EDNRB: variants seen among roughly 807,000 people sequenced by gnomAD.
EDNRB encodes the protein Hirschsprung disease 2.
EDNRB carries 18 observed loss-of-function variants against 46.4 expected under a neutral mutation model. The observed-to-expected ratio is 0.39, with a 90% confidence interval of 0.27 to 0.57. The LOEUF is 0.57. Among genes scored for constraint, EDNRB ranks in the 20% least tolerant of loss-of-function variants. The pLI, the probability that EDNRB is intolerant of heterozygous loss-of-function variation, is 0.61. For missense variants in EDNRB, 434 were observed against 537.5 expected, an observed-to-expected ratio of 0.81 and a Z score of 1.90; for synonymous variants, 213 against 204.9, an observed-to-expected ratio of 1.04 and a Z score of -0.34.
intron 1 of EDNRB, chr13:77,947,678 A>G (rs1424119073): frequency 2.0e-5 from 3 of 152,136 alleles, no homozygotes; most frequent in Non-Finnish European, 2.9e-5. Context: ...CGATGACCAT[A>G]GTATGTTACA....
At chr13:77,920,359 A>G (rs769893933), upstream of EDNRB, among the ~76,000 whole-genome samples, 10 of 152,242 alleles carry the variant, frequency 6.6e-5, no homozygotes, top group Non-Finnish European at 1.3e-4. Flanking sequence ...ATTGTATAAA[A>G]GAGGTCAGGA....
chr13:77,897,457 G>A lies in EDNRB; in HGVS notation c.*743C>T. The stretch of plus-strand genomic sequence containing the variant: ...TTGATCTTAACTGAATGTAAAGGAT[G>A]TAATAATTTTCTTTTTAAAAGTATT... On this transcript the variant is annotated 3_prime_UTR_variant, in exon 7 of 7. Coordinates refer to ENST00000646607, the MANE Select transcript of EDNRB (RefSeq NM_001122659.3). The A allele has an allele frequency of 1.0e-6, 1 of 983,966 alleles. No homozygotes were observed. Among genetic ancestry groups the A allele is most frequent in the Non-Finnish European group, 1.2e-6 (1 of 828,708 alleles). 61.0% of individuals were successfully genotyped at this position (983,966 alleles called of 1,614,324 possible).
At chr13:77,936,757 C>A (rs1880577960) in intron 1 of EDNRB, among the ~76,000 whole-genome samples, 1 of 152,188 alleles carries the variant, frequency 6.6e-6, no homozygotes, top group Non-Finnish European at 1.5e-5. Context: ...TTCCTTGGCC[C>A]AGTGGCCAGA....
Position 77,918,142 on chromosome 13 carries a change from A to G in EDNRB, c.432T>C (p.Ala144=). Residue 144 remains alanine (A), a synonymous_variant, in exon 1 of 7, where the codon GCT becomes GCC. Coordinates refer to ENST00000646607, the MANE Select transcript of EDNRB (RefSeq NM_001122659.3). The surrounding 1 kb of genome is among the most constrained non-coding windows in gnomAD (Gnocchi z 4.5). ...TGACGATGTGCAGCAGGTCTCCCAG[A>G]GCCAAGCTGGCGATCAAGATATTGG... is the stretch of plus-strand genomic sequence containing the variant. ...NGPNILIASL[A]LGDLLHIVID... The G allele has an allele frequency of 6.2e-7, 1 of 1,614,178 alleles. No homozygotes were observed.
intron 1 of EDNRB, among the ~76,000 whole-genome samples, chr13:77,953,778 A>G (rs1566335140): frequency 6.6e-6 from 1 of 152,206 alleles, no homozygotes; most frequent in Non-Finnish European, 1.5e-5. Flanking sequence ...CCCAGGGACC[A>G]TATAATGAAT....
chr13:77,926,669 C>T (rs539837007), intron 1 of EDNRB, among the ~76,000 whole-genome samples: 3 of 152,212 alleles, frequency 2.0e-5, no homozygotes, highest in Non-Finnish European at 4.4e-5. Context: ...GCCCTCTAAA[C>T]TCTTCCACCT....
At chr13:77,899,288 G>C (rs1311759810) in intron 6 of EDNRB, among the ~76,000 whole-genome samples, 1 of 151,924 alleles carries the variant, frequency 6.6e-6, no homozygotes, top group Non-Finnish European at 1.5e-5. Context: ...TTTCATGTTA[G>C]ATTGTTGAAG....
chr13:77,899,773 C>G, intron 6 of EDNRB, 86 bp downstream of exon 6: 1 of 979,474 alleles, frequency 1.0e-6, no homozygotes, highest in South Asian at 1.4e-5. Context: ...TTTACTAAAT[C>G]TGTCTGGATA....
chr13:77,949,536 C>T (rs1005370225), intron 1 of EDNRB, among the ~76,000 whole-genome samples: 3 of 152,180 alleles, frequency 2.0e-5, no homozygotes, highest in African/African-American at 7.2e-5. Context: ...ACTTTTACCC[C>T]AGTAAATCTC....
chr13:77,911,290 T>G (rs1034936593), intron 1 of EDNRB, among the ~76,000 whole-genome samples: 1 of 151,984 alleles, frequency 6.6e-6, no homozygotes, highest in Non-Finnish European at 1.5e-5. Flanking sequence ...TCAACAAACC[T>G]TATTAAGTAA....
At chr13:77,969,080 TGA>T (rs1238042612) in intron 1 of EDNRB, among the ~76,000 whole-genome samples, 3 of 152,208 alleles carry the variant, frequency 2.0e-5, no homozygotes, top group African/African-American at 7.2e-5. Flanking sequence ...TAAAAAGCAC[TGA>T]GTTTCGTTTA....
chr13:77,900,697 T>G (rs1566304751), intron 4 of EDNRB, 43 bp from the exon 5 acceptor site: 1 of 1,611,120 alleles, frequency 6.2e-7, no homozygotes, highest in Non-Finnish European at 8.5e-7. Context: ...ATGGCTCATT[T>G]TACTCATAGC....
At chr13:77,960,232 T>G (rs1465694718) in intron 1 of EDNRB, among the ~76,000 whole-genome samples, 1 of 152,052 alleles carries the variant, frequency 6.6e-6, no homozygotes, top group Non-Finnish European at 1.5e-5. Context: ...AGACACATAA[T>G]TATCAGATTC....
chr13:77,910,689 G>A (rs186363906), intron 1 of EDNRB, among the ~76,000 whole-genome samples: 23 of 152,066 alleles, frequency 1.5e-4, no homozygotes, highest in African/African-American at 5.1e-4. Context: ...CAGAAATAAT[G>A]TTAGCTTATC....
chr13:77,943,609 T>C (rs1880813823), intron 1 of EDNRB, among the ~76,000 whole-genome samples: 1 of 152,132 alleles, frequency 6.6e-6, no homozygotes, highest in Non-Finnish European at 1.5e-5. Flanking sequence ...AATAACTTAA[T>C]GGTTTTATAT....
chr13:77,897,952 G>T lies in EDNRB; in HGVS notation c.*248C>A, dbSNP rs200878781. On this transcript the variant is annotated 3_prime_UTR_variant, in exon 7 of 7. Transcript: ENST00000646607. ...AAGTTGTTAAGAGCTATGTTGAAGTGCTAACTGTAAAAAATTAAGTGCTTT... is the reference window on the plus strand; with the variant it reads ...AAGTTGTTAAGAGCTATGTTGAAGTTCTAACTGTAAAAAATTAAGTGCTTT... 1.6e-5 allele frequency: 20 copies of T among 1,271,630 alleles called. No individual in the cohort carries two copies. In the South Asian group the frequency reaches 3.3e-4, roughly 21 times the overall value. 78.8% of individuals were successfully genotyped at this position (1,271,630 alleles called of 1,614,324 possible). A position where few individuals can be genotyped will look rare whatever the true frequency, so the allele number is the denominator to read the frequency against.
chr13:77,949,113 ATGAG>A (rs1181143156), intron 1 of EDNRB, among the ~76,000 whole-genome samples: 1 of 152,232 alleles, frequency 6.6e-6, no homozygotes, highest in Non-Finnish European at 1.5e-5. Context: ...TAAGTAAACA[ATGAG>A]TGACAATATA....
In EDNRB at chr13:77,918,283, C is replaced by T; in HGVS notation, c.291G>A (p.Lys97=). ...CCGTGTTGATGTATTTGAAAGTCTC[C>T]TTGATCTCGATGGGTCCTTGGCACG... ...PPPCQGPIEI[K]ETFKYINTVV... is the part of the protein sequence containing the mutation. The change falls in exon 1 of 7, where the codon AAG becomes AAA. Residue 97 remains lysine, a synonymous_variant. Transcript: ENST00000646607. This position sits in a 1 kb window ranked among gnomAD's most constrained non-coding sequence, Gnocchi z 4.5. The T allele has an allele frequency of 6.2e-7, 1 of 1,614,114 alleles. No homozygotes were observed. Among genetic ancestry groups the T allele is most frequent in the Non-Finnish European group, 8.5e-7 (1 of 1,180,010 alleles).
chr13:77,926,680 C>G (rs1880247731), intron 1 of EDNRB, among the ~76,000 whole-genome samples: 1 of 152,190 alleles, frequency 6.6e-6, no homozygotes, highest in African/African-American at 2.4e-5. Flanking sequence ...TCTTCCACCT[C>G]TGCGTGTTAT....
Sources: allele counts gnomAD v4.1 joint callset (sites outside exome capture counted in the v4.1 genomes callset), GRCh38; gene constraint gnomAD v4.1.1; non-coding constraint Gnocchi (gnomAD v3.1); transcripts MANE v1.5; gene names NCBI Gene and HGNC (gene_info 2026-07-23, HGNC 2026-07-21).